UBLCP1: variants seen among roughly 807,000 people sequenced by gnomAD.
UBLCP1 encodes ubiquitin like domain containing CTD phosphatase 1, also known as ubiquitin-like domain-containing CTD phosphatase 1.
Under a neutral mutation model 42.4 loss-of-function variants are expected in UBLCP1, and 28 were observed. That is an observed-to-expected ratio of 0.66 (90% confidence interval 0.49 to 0.90). The LOEUF (loss-of-function observed/expected upper bound fraction) is 0.90, where lower values mean the gene tolerates loss of function less well. UBLCP1 is among the 40% of genes least tolerant of loss of function. The pLI, the probability that UBLCP1 is intolerant of heterozygous loss-of-function variation, is 0.00. For missense variants in UBLCP1, 279 were observed against 374.5 expected (o/e 0.75, Z 2.10); for synonymous variants, 122 against 120.8 (o/e 1.01, Z -0.07).
chr5:159,265,837 C>G (rs1753384345), intron 1 of UBLCP1, among the ~76,000 whole-genome samples: 1 of 152,118 alleles, frequency 6.6e-6, no homozygotes, highest in Admixed American at 6.5e-5. Context: ...CCACCACCAC[C>G]TCTGGCTAAT....
chr5:159,279,593 A>G (rs1753582266), intron 9 of UBLCP1, among the ~76,000 whole-genome samples: 2 of 152,312 alleles, frequency 1.3e-5, no homozygotes, highest in African/African-American at 4.8e-5. Context: ...CAGACTGTTG[A>G]TTTGAGTTTT....
chr5:159,267,293 A>G (rs1753410175), intron 1 of UBLCP1, among the ~76,000 whole-genome samples: 1 of 152,138 alleles, frequency 6.6e-6, no homozygotes, highest in African/African-American at 2.4e-5. Context: ...GAGCTTTAAC[A>G]TTTGACTGCC....
chr5:159,281,972 T>C (rs1298374526), intron 9 of UBLCP1, among the ~76,000 whole-genome samples: 1 of 152,156 alleles, frequency 6.6e-6, no homozygotes, highest in Non-Finnish European at 1.5e-5. Context: ...TTTAGGAATA[T>C]GTGTGCTTTA....
chr5:159,285,855 A>T lies in UBLCP1; in HGVS notation c.*924A>T, dbSNP rs1412394219. 1 of 152,778 alleles carries T rather than the reference A, an allele frequency of 6.5e-6. No homozygotes were observed. Among genetic ancestry groups the T allele is most frequent in the African/African-American group, 2.4e-5 (1 of 41,464 alleles). 9.5% of individuals were successfully genotyped at this position (152,778 alleles called of 1,614,324 possible). A position where few individuals can be genotyped will look rare whatever the true frequency, so the allele number is the denominator to read the frequency against. On this transcript the variant is annotated 3_prime_UTR_variant, in exon 11 of 11. Transcript: ENST00000296786. ...AAATATCTAGCCATAAGATTAAAAA[A>T]ATATATTATTTGCAATGCTTAAGCC...
intron 1 of UBLCP1, among the ~76,000 whole-genome samples, chr5:159,263,914 C>T (rs546582530): frequency 1.3e-5 from 2 of 152,236 alleles, no homozygotes; most frequent in South Asian, 2.1e-4. Context: ...TTTGTGGTCC[C>T]GGGCAAGTTT....
chr5:159,277,331 G>A (rs1202006830), intron 8 of UBLCP1, among the ~76,000 whole-genome samples: 2 of 151,832 alleles, frequency 1.3e-5, no homozygotes, highest in Non-Finnish European at 2.9e-5. Flanking sequence ...TAAATTATAG[G>A]AGGAAAAAAA....
chr5:159,277,483 T>A (rs1478540715), intron 8 of UBLCP1, among the ~76,000 whole-genome samples: 1 of 152,180 alleles, frequency 6.6e-6, no homozygotes, highest in African/African-American at 2.4e-5. Context: ...ATTTTCTGAA[T>A]GTGTAATACA....
intron 1 of UBLCP1, among the ~76,000 whole-genome samples, chr5:159,268,134 A>G (rs1014567306): frequency 3.3e-5 from 5 of 152,236 alleles, no homozygotes; most frequent in African/African-American, 1.2e-4. Flanking sequence ...AAACTTACCA[A>G]ATTACTTTCT....
At chr5:159,264,802 T>C (rs10866711) in intron 1 of UBLCP1, among the ~76,000 whole-genome samples, 133,828 of 152,278 alleles carry the variant, frequency 0.88, 59,109 homozygotes, top group East Asian at 1. Flanking sequence ...CCAGGGACCA[T>C]GCTTTGAAAA....
intron 9 of UBLCP1, among the ~76,000 whole-genome samples, chr5:159,281,693 A>G (rs552449364): frequency 6.6e-6 from 1 of 152,024 alleles, no homozygotes; most frequent in East Asian, 1.9e-4. Context: ...TGTTTTTCCA[A>G]TGACAGAAGA....
chr5:159,271,876 T>G (rs1562099160), intron 5 of UBLCP1, 147 bp from the exon 6 acceptor site: 1 of 513,184 alleles, frequency 1.9e-6, no homozygotes, highest in African/African-American at 1.9e-5. Flanking sequence ...GACATCTTTT[T>G]GTCAGCCAAC....
intron 5 of UBLCP1, among the ~76,000 whole-genome samples, chr5:159,271,786 T>C (rs1753470015): frequency 6.6e-6 from 1 of 152,228 alleles, no homozygotes; most frequent in Non-Finnish European, 1.5e-5. Context: ...AAGCCTGAAT[T>C]TTCAGTATTG....
At chr5:159,274,495 A>T in intron 6 of UBLCP1, 90 bp from the exon 7 acceptor site, 1 of 1,085,752 alleles carries the variant, frequency 9.2e-7, no homozygotes, top group South Asian at 1.5e-5. Flanking sequence ...TTAAACTTTT[A>T]GTTTTGCTTA....
At chr5:159,274,830 A>T (rs972704340) in intron 7 of UBLCP1, among the ~76,000 whole-genome samples, 1 of 152,194 alleles carries the variant, frequency 6.6e-6, no homozygotes, top group African/African-American at 2.4e-5. Flanking sequence ...AAGTATAACT[A>T]AGCTTGTCCC....
chr5:159,263,557 GC>G (rs753136398), intron 1 of UBLCP1, among the ~76,000 whole-genome samples, 197 bp downstream of exon 1: 6 of 152,230 alleles, frequency 3.9e-5, no homozygotes, highest in African/African-American at 1.4e-4. Flanking sequence ...CAGCAGTCTA[GC>G]CTATTTGGAG....
chr5:159,278,820 C>A (rs572285917), intron 9 of UBLCP1, among the ~76,000 whole-genome samples: 1 of 152,098 alleles, frequency 6.6e-6, no homozygotes, highest in Non-Finnish European at 1.5e-5. Flanking sequence ...ATCTGCCCAC[C>A]TCGACCTCCC....
In UBLCP1 at chr5:159,285,012, T is replaced by C; in HGVS notation, c.*81T>C. 1 of 1,329,618 alleles carries C rather than the reference T, an allele frequency of 7.5e-7. No individual in the cohort carries two copies. Among genetic ancestry groups the C allele is most frequent in the Non-Finnish European group, 1.1e-6 (1 of 926,394 alleles). The allele number at this position is 1,329,618 out of a possible 1,614,324, so 82.4% of individuals were successfully genotyped here. A position where few individuals can be genotyped will look rare whatever the true frequency, so the allele number is the denominator to read the frequency against. ...TTTATGCTAGAAATCATTATGATAG[T>C]GCTGGACACTGAAGCAAATACCATA... On this transcript the variant is annotated 3_prime_UTR_variant, in exon 11 of 11. Transcript: ENST00000296786.
At chr5:159,264,325 G>A (rs746660051) in intron 1 of UBLCP1, among the ~76,000 whole-genome samples, 1 of 152,188 alleles carries the variant, frequency 6.6e-6, no homozygotes, top group African/African-American at 2.4e-5. Context: ...TTATAAATCT[G>A]ATGGGATCTG....
In UBLCP1 at chr5:159,274,558, A is replaced by G. The variant is rs765368920; in HGVS notation, c.548-27A>G. 1.5e-5 allele frequency: 24 copies of G among 1,600,216 alleles called. No individual in the cohort carries two copies. In the African/African-American group the frequency reaches 3.1e-4, roughly 21 times the overall value. ...AAAGAAATTCAAGCTTTTCATATGT[A>G]TTGTATTATCATTCCTCGTGTTTTA... On this transcript the variant is annotated intron_variant, in intron 6 of 10. Coordinates refer to ENST00000296786, the MANE Select transcript of UBLCP1 (RefSeq NM_145049.5).
Sources: gnomAD v4.1 joint callset for allele counts (sites outside exome capture counted in the v4.1 genomes callset) on GRCh38, gnomAD v4.1.1 for gene constraint, MANE v1.5 for transcripts, NCBI Gene and HGNC (gene_info 2026-07-23, HGNC 2026-07-21) for gene names.